Variants in EPHA6 observed in about 807,000 individuals in gnomAD.
EPHA6 encodes the protein ephrin type-A receptor 6.
In EPHA6, 50 loss-of-function variants were observed where a neutral mutation model predicts 112.0. The ratio of observed to expected loss-of-function variants is 0.45; its 90% confidence interval spans 0.36 to 0.56. The LOEUF (loss-of-function observed/expected upper bound fraction) is 0.56. EPHA6 is among the 20% of genes least tolerant of loss of function. EPHA6 has a pLI of 0.00. For missense variants in EPHA6, 1,280 were observed against 1,417.4 expected (o/e 0.90, Z 1.56); for synonymous variants, 529 against 490.7 (o/e 1.08, Z -1.03).
At chr3:97,077,639 C>A (rs1170564202) in intron 3 of EPHA6, among the ~76,000 whole-genome samples, 1 of 151,292 alleles carries the variant, frequency 6.6e-6, no homozygotes, top group Non-Finnish European at 1.5e-5. Flanking sequence ...TGAGAACATG[C>A]GCTGTCTGGT....
At chr3:97,247,134 C>T (rs2079008630) in intron 5 of EPHA6, among the ~76,000 whole-genome samples, 1 of 151,926 alleles carries the variant, frequency 6.6e-6, no homozygotes, top group Non-Finnish European at 1.5e-5. Context: ...TCTCTTTTAA[C>T]TGATTTAGGA....
intron 1 of EPHA6, among the ~76,000 whole-genome samples, chr3:96,834,109 A>G (rs1320830595): frequency 6.6e-6 from 1 of 152,040 alleles, no homozygotes; most frequent in Non-Finnish European, 1.5e-5. Flanking sequence ...TTCTGGAGGA[A>G]GACTAAAAGA....
intron 5 of EPHA6, among the ~76,000 whole-genome samples, chr3:97,366,651 C>A (rs1287783788): frequency 6.7e-6 from 1 of 150,234 alleles, no homozygotes. Flanking sequence ...GGGGAAAGAA[C>A]AAGGATAAGC....
intron 2 of EPHA6, among the ~76,000 whole-genome samples, chr3:96,984,671 C>A (rs112621570): frequency 0.065 from 9,876 of 152,236 alleles, 989 homozygotes; most frequent in African/African-American, 0.21. Context: ...CAGAGGCAGG[C>A]AGGCCTCCTT....
intron 1 of EPHA6, among the ~76,000 whole-genome samples, chr3:96,838,304 G>T (rs1285805107): frequency 6.6e-6 from 1 of 152,104 alleles, no homozygotes; most frequent in Non-Finnish European, 1.5e-5. Context: ...TATCATTGAT[G>T]GACATTTAGG....
At chr3:96,922,603 T>A (rs2107633133) in intron 2 of EPHA6, among the ~76,000 whole-genome samples, 1 of 152,356 alleles carries the variant, frequency 6.6e-6, no homozygotes, top group South Asian at 2.1e-4. Flanking sequence ...AAATGTATGA[T>A]ATTTGTAATC....
chr3:97,097,617 TA>T (rs2047279909), intron 3 of EPHA6, among the ~76,000 whole-genome samples: 1 of 151,896 alleles, frequency 6.6e-6, no homozygotes, highest in East Asian at 1.9e-4. Context: ...GATAGTTAAT[TA>T]AAATTTATGT....
intron 2 of EPHA6, among the ~76,000 whole-genome samples, chr3:96,937,002 T>C (rs1042708555): frequency 6.6e-6 from 1 of 152,242 alleles, no homozygotes; most frequent in African/African-American, 2.4e-5. Context: ...CTTAATCAAG[T>C]CTATCCTTGT....
At chr3:97,276,772 G>C (rs538494352) in intron 5 of EPHA6, among the ~76,000 whole-genome samples, 3 of 152,224 alleles carry the variant, frequency 2.0e-5, no homozygotes, top group African/African-American at 7.2e-5. Flanking sequence ...GCCATGAACT[G>C]GGCTGGGTTT....
intron 2 of EPHA6, among the ~76,000 whole-genome samples, chr3:96,954,092 T>G (rs2041662351): frequency 6.6e-6 from 1 of 152,126 alleles, no homozygotes; most frequent in African/African-American, 2.4e-5. Context: ...TAGGCTGGTC[T>G]CAAACTCCTG....
At chr3:97,495,118 G>A (rs2091942957) in intron 10 of EPHA6, among the ~76,000 whole-genome samples, 1 of 152,130 alleles carries the variant, frequency 6.6e-6, no homozygotes, top group Non-Finnish European at 1.5e-5. Context: ...GGCATAGGGA[G>A]AGCTTACTAC....
chr3:96,869,030 G>C (rs1453081538), intron 2 of EPHA6, among the ~76,000 whole-genome samples: 1 of 151,896 alleles, frequency 6.6e-6, no homozygotes, highest in Non-Finnish European at 1.5e-5. Context: ...TAACGTTTTA[G>C]GCTTACAGAA....
rs116068080 is a variant in EPHA6 at position 97,654,962 on chromosome 3, G to A, written c.2784+16880G>A. 7.8e-3 allele frequency among the ~76,000 whole-genome samples: 1,187 copies of A among 151,680 alleles called. 15 individuals carry two copies. The highest frequency in any genetic ancestry group is 0.027 in the African/African-American group (1,115 of 41,434). Reference sequence around the variant, plus strand: ...GAGGAGGGGAGAGAGATAGCAAAGAGATCCATTTGCACAACCCTAGACAGG... The same window carrying A: ...GAGGAGGGGAGAGAGATAGCAAAGAAATCCATTTGCACAACCCTAGACAGG... On this transcript the variant is annotated intron_variant, in intron 14 of 17. Coordinates refer to ENST00000389672, the MANE Select transcript of EPHA6 (RefSeq NM_001080448.3).
chr3:96,888,555 C>T (rs2037769507), intron 2 of EPHA6, among the ~76,000 whole-genome samples: 1 of 152,214 alleles, frequency 6.6e-6, no homozygotes, highest in Non-Finnish European at 1.5e-5. Flanking sequence ...AGGCTCGGTG[C>T]TTGCATCCTC....
chr3:97,031,799 A>C (rs2044857989), intron 3 of EPHA6, among the ~76,000 whole-genome samples: 1 of 152,126 alleles, frequency 6.6e-6, no homozygotes, highest in African/African-American at 2.4e-5. Flanking sequence ...AGGAAACAAC[A>C]GGTGCTGGAG....
intron 11 of EPHA6, among the ~76,000 whole-genome samples, chr3:97,571,123 A>G (rs908874997): frequency 6.6e-6 from 1 of 152,216 alleles, no homozygotes; most frequent in Non-Finnish European, 1.5e-5. Context: ...CTGTTATTGC[A>G]TATAAACATA....
intron 2 of EPHA6, among the ~76,000 whole-genome samples, chr3:96,985,124 C>T (rs2042969369): frequency 6.6e-6 from 1 of 152,168 alleles, no homozygotes; most frequent in African/African-American, 2.4e-5. Flanking sequence ...GTAGAAATCA[C>T]CCGTCTTCTG....
At chr3:96,917,650 T>C (rs1559829694) in intron 2 of EPHA6, among the ~76,000 whole-genome samples, 1 of 151,442 alleles carries the variant, frequency 6.6e-6, no homozygotes, top group Non-Finnish European at 1.5e-5. Context: ...AGGCTGTCTA[T>C]AACCAAGGAA....
chr3:96,833,841 G>A (rs1112080), intron 1 of EPHA6, among the ~76,000 whole-genome samples: 40,528 of 151,738 alleles, frequency 0.27, 9,404 homozygotes, highest in African/African-American at 0.61. Context: ...ATTGTTAACT[G>A]TAGTCATCCT....
Sources: gnomAD v4.1 joint callset for allele counts (sites outside exome capture counted in the v4.1 genomes callset) on GRCh38, gnomAD v4.1.1 for gene constraint, MANE v1.5 for transcripts, NCBI Gene and HGNC (gene_info 2026-07-23, HGNC 2026-07-21) for gene names.